ENPP2: variants seen among roughly 807,000 people sequenced by gnomAD.
The protein encoded by ENPP2 is autotaxin.
Under a neutral mutation model 120.2 loss-of-function variants are expected in ENPP2, and 51 were observed. The observed-to-expected ratio is 0.42, with a 90% CI of 0.34 to 0.54. ENPP2 has a LOEUF of 0.54. Among genes scored for constraint, ENPP2 ranks in the 20% least tolerant of loss-of-function variants. The probability of loss-of-function intolerance (pLI) is 0.04; values close to 1 mark genes in which losing one functional copy is unlikely to be tolerated. For synonymous variants in ENPP2, 365 were observed against 366.4 expected (o/e 1.00, Z 0.04); for missense variants, 920 against 1,066.5 (o/e 0.86, Z 1.91).
At chr8:119,589,599 G>T (rs1450143428) in intron 13 of ENPP2, among the ~76,000 whole-genome samples, 5 of 152,172 alleles carry the variant, frequency 3.3e-5, no homozygotes, top group Admixed American at 2.6e-4. Flanking sequence ...GACAGGAAAG[G>T]TCATGGAGGA....
chr8:119,557,785 G>T, intron 24 of ENPP2, 94 bp from the exon 25 acceptor site: 1 of 1,046,246 alleles, frequency 9.6e-7, no homozygotes, highest in Non-Finnish European at 1.4e-6. Context: ...TGACCTCTGT[G>T]CACTCTTGCA....
chr8:119,581,879 C>T (rs1587382851), intron 18 of ENPP2, among the ~76,000 whole-genome samples: 2 of 151,556 alleles, frequency 1.3e-5, no homozygotes, highest in African/African-American at 4.8e-5. Context: ...AGCCTCCCAG[C>T]GCCACCATGC....
chr8:119,625,678 G>C (rs1014613898), intron 3 of ENPP2, among the ~76,000 whole-genome samples: 11 of 152,176 alleles, frequency 7.2e-5, no homozygotes, highest in African/African-American at 2.7e-4. Context: ...TTCTCAGATA[G>C]TTTGTGTATG....
rs145074227 is a variant in ENPP2, at chr8:119,616,342, A to G, written c.700T>C (p.Tyr234His). Reference protein sequence around the residue: ...ESHGIVGNSMYDPVFDATFHL... With the variant: ...ESHGIVGNSMHDPVFDATFHL... Reference sequence around the variant, plus strand: ...AAAGTGGCATCAAATACAGGATCATACATTGAATTGCCAACAATTCCATGT... The same window carrying G: ...AAAGTGGCATCAAATACAGGATCATGCATTGAATTGCCAACAATTCCATGT... The change falls in exon 8 of 25, where the codon TAT (tyrosine) becomes CAT (histidine). Residue 234 changes from tyrosine (Y) to histidine (H), a missense_variant. Transcript: ENST00000075322. The G allele has an allele frequency of 1.9e-6, 3 of 1,608,652 alleles. No individual in the cohort carries two copies. The African/African-American group carries it at 4.0e-5, about 21-fold the overall frequency.
chr8:119,635,500 G>A (rs1225317935), intron 2 of ENPP2, among the ~76,000 whole-genome samples: 3 of 152,196 alleles, frequency 2.0e-5, no homozygotes, highest in Non-Finnish European at 4.4e-5. Flanking sequence ...CACACTGCAA[G>A]TGCACATGAG....
In ENPP2 at chr8:119,559,931, G is replaced by A. The variant is rs147438480; in HGVS notation, c.2422-2240C>T. The stretch of plus-strand genomic sequence containing the variant: ...CTTCAACGAGAAGCATGCTGGCCAC[G>A]AACTCTACAAGAAGTGCCTCCAGAC... On this transcript the variant is annotated intron_variant, in intron 24 of 24. Coordinates refer to ENST00000075322, the MANE Select transcript of ENPP2 (RefSeq NM_001040092.3). 5.9e-5 allele frequency among the ~76,000 whole-genome samples: 9 copies of A among 152,274 alleles called. No homozygotes were observed. In the East Asian group the frequency reaches 1.4e-3, roughly 23 times the overall value.
chr8:119,669,630 T>C (rs925760023), intron 1 of ENPP2, among the ~76,000 whole-genome samples: 8 of 152,202 alleles, frequency 5.3e-5, no homozygotes, highest in Non-Finnish European at 2.9e-5. Context: ...ATTCCTTTGA[T>C]TAGAGATTCC....
intron 1 of ENPP2, among the ~76,000 whole-genome samples, chr8:119,667,860 T>C (rs981089773): frequency 4.6e-5 from 7 of 152,238 alleles, no homozygotes; most frequent in African/African-American, 1.7e-4. Context: ...GACAGTGTCA[T>C]GCCATTCTGG....
chr8:119,588,027 T>C (rs1813234761), intron 13 of ENPP2, among the ~76,000 whole-genome samples: 1 of 152,174 alleles, frequency 6.6e-6, no homozygotes, highest in African/African-American at 2.4e-5. Flanking sequence ...TTTGTTCATA[T>C]TTGTTAAAAA....
intron 8 of ENPP2, among the ~76,000 whole-genome samples, chr8:119,613,680 A>G (rs536960603): frequency 6.6e-6 from 1 of 152,264 alleles, no homozygotes; most frequent in East Asian, 1.9e-4. Flanking sequence ...TTTTTCTTAT[A>G]GTACTTTTAG....
chr8:119,589,800 G>A (rs755291099), intron 13 of ENPP2, among the ~76,000 whole-genome samples: 6 of 151,644 alleles, frequency 4.0e-5, no homozygotes, highest in South Asian at 4.2e-4. Context: ...TTCAAAGTGC[G>A]GCATAACCCC....
intron 1 of ENPP2, among the ~76,000 whole-genome samples, chr8:119,649,538 A>G (rs1401486519): frequency 6.6e-6 from 1 of 152,238 alleles, no homozygotes; most frequent in African/African-American, 2.4e-5. Context: ...GAGATATATT[A>G]AAGAAGACCT....
intron 2 of ENPP2, among the ~76,000 whole-genome samples, chr8:119,628,308 G>A (rs541788950): frequency 4.6e-5 from 7 of 152,106 alleles, no homozygotes; most frequent in Admixed American, 6.6e-5. Flanking sequence ...TAAAATTTTT[G>A]TAAAGTAGAA....
chr8:119,592,304 G>C (rs10112316), intron 12 of ENPP2, among the ~76,000 whole-genome samples: 82,234 of 151,518 alleles, frequency 0.54, 23,139 homozygotes, highest in South Asian at 0.7. Flanking sequence ...GAAAGCCCAT[G>C]TCTACTAAAA....
At position 119,557,543 on chromosome 8, in the gene ENPP2, T is replaced by C. The variant is rs1813563580; in HGVS notation, c.2570A>G (p.His857Arg). Residue 857 changes from histidine to arginine, a missense_variant, in exon 25 of 25, where the codon CAT (histidine) becomes CGT (arginine). By Grantham distance (29) the His-to-Arg change is conservative. Coordinates refer to ENST00000075322, the MANE Select transcript of ENPP2 (RefSeq NM_001040092.3). ...PEILTLKTYL[H>R]TYESEI is the part of the protein sequence containing the mutation. ...AAGTTAAATCTCGCTCTCATATGTA[T>C]GCAGGTATGTCTTGAGTGTCAGGAT... The C allele has an allele frequency of 1.9e-6, 3 of 1,613,212 alleles. No homozygotes were observed. Among genetic ancestry groups the C allele is most frequent in the Non-Finnish European group, 2.5e-6 (3 of 1,179,958 alleles).
chr8:119,592,529 C>G (rs1813593193), intron 12 of ENPP2, among the ~76,000 whole-genome samples: 1 of 148,804 alleles, frequency 6.7e-6, no homozygotes, highest in Non-Finnish European at 1.5e-5. Context: ...TTGTCCCAAA[C>G]CAAATGGATC....
At chr8:119,601,050 G>A (rs1053856168) in intron 10 of ENPP2, among the ~76,000 whole-genome samples, 2 of 152,258 alleles carry the variant, frequency 1.3e-5, no homozygotes, top group South Asian at 2.1e-4. Flanking sequence ...CACATGGGCC[G>A]TGCAATCTGC....
intron 3 of ENPP2, among the ~76,000 whole-genome samples, chr8:119,625,930 A>T (rs553997478): frequency 1.3e-5 from 2 of 152,336 alleles, no homozygotes; most frequent in South Asian, 4.1e-4. Context: ...TGAGACTCCA[A>T]ACAGAATTCC....
chr8:119,629,236 C>T (rs1443715525), intron 2 of ENPP2, among the ~76,000 whole-genome samples: 2 of 151,158 alleles, frequency 1.3e-5, no homozygotes, highest in African/African-American at 4.9e-5. Context: ...AAAATATATA[C>T]CATATAATAT....
Sources: allele counts gnomAD v4.1 joint callset (sites outside exome capture counted in the v4.1 genomes callset), GRCh38; gene constraint gnomAD v4.1.1; transcripts MANE v1.5; gene names NCBI Gene and HGNC (gene_info 2026-07-23, HGNC 2026-07-21).